The following PRH1 variants were observed in gnomAD, a reference collection of about 807,000 sequenced individuals.
PRH1 encodes salivary acidic proline-rich phosphoprotein 1/2.
In PRH1, 7 loss-of-function variants were observed where a neutral mutation model predicts 7.9. That is an observed-to-expected ratio of 0.89 (90% CI 0.50 to 1.67). The LOEUF (loss-of-function observed/expected upper bound fraction) is 1.67, where lower values mean the gene tolerates loss of function less well. Among genes scored for constraint, PRH1 ranks in the 40% most tolerant of loss-of-function variants. The probability of loss-of-function intolerance (pLI) is 0.00; values close to 1 mark genes in which losing one functional copy is unlikely to be tolerated. For synonymous variants in PRH1, 45 were observed against 80.8 expected, an observed-to-expected ratio of 0.56 and a Z score of 2.38; for missense variants, 109 against 223.6, an observed-to-expected ratio of 0.49 and a Z score of 3.27.
intron 1 of PRH1, among the ~76,000 whole-genome samples, chr12:11,068,821 G>C (rs1447228751): frequency 2.6e-5 from 4 of 152,120 alleles, no homozygotes; most frequent in Non-Finnish European, 5.9e-5. Flanking sequence ...ATTAGATGGT[G>C]GGTCACCCTC....
intron 1 of PRH1, among the ~76,000 whole-genome samples, chr12:11,126,043 A>T (rs2007667): frequency 0.57 from 70,480 of 123,258 alleles, 16,528 homozygotes; most frequent in Non-Finnish European, 0.63. Flanking sequence ...TTCTGCTTTT[A>T]AAATATTTTC....
At chr12:10,947,791 C>A (rs1191434442) in intron 2 of PRH1, among the ~76,000 whole-genome samples, 1 of 151,716 alleles carries the variant, frequency 6.6e-6, no homozygotes, top group Non-Finnish European at 1.5e-5. Flanking sequence ...ATACTAAGTG[C>A]CGCTTTCAAG....
intron 1 of PRH1, among the ~76,000 whole-genome samples, chr12:11,139,537 TGTGA>T (rs752856282): frequency 3.1e-4 from 47 of 152,366 alleles, no homozygotes; most frequent in African/African-American, 1.1e-3. Flanking sequence ...CTTTCACATC[TGTGA>T]GTATTATTAT....
intron 1 of PRH1, among the ~76,000 whole-genome samples, chr12:11,017,068 T>C (rs1941329881): frequency 6.6e-6 from 1 of 152,268 alleles, no homozygotes; most frequent in South Asian, 2.1e-4. Flanking sequence ...TAGGATGTGG[T>C]ATCTTCCCTG....
At chr12:10,997,776 C>A in intron 1 of PRH1, 1 of 1,613,750 alleles carries the variant, frequency 6.2e-7, no homozygotes, top group Non-Finnish European at 8.5e-7. Flanking sequence ...TTGACCCAGG[C>A]AATGAAATTT....
intron 1 of PRH1, among the ~76,000 whole-genome samples, chr12:11,146,215 A>AT (rs551919973): frequency 5.3e-5 from 8 of 151,290 alleles, no homozygotes; most frequent in African/African-American, 1.2e-4. Flanking sequence ...GTCTTTACAC[A>AT]TTTTTTTTCT....
At chr12:11,065,081 G>GA (rs1205211122) in intron 1 of PRH1, among the ~76,000 whole-genome samples, 1 of 151,796 alleles carries the variant, frequency 6.6e-6, no homozygotes, top group Non-Finnish European at 1.5e-5. Context: ...TCTATTATCT[G>GA]AAAAAAATAT....
chr12:10,905,092 C>T (rs771841078), intron 2 of PRH1, among the ~76,000 whole-genome samples: 8 of 151,620 alleles, frequency 5.3e-5, no homozygotes, highest in South Asian at 2.1e-4. Flanking sequence ...ATGCAAATTA[C>T]GTCAGCCACT....
At chr12:11,027,907 C>T (rs1255612018) in intron 1 of PRH1, among the ~76,000 whole-genome samples, 1 of 152,140 alleles carries the variant, frequency 6.6e-6, no homozygotes, top group Non-Finnish European at 1.5e-5. Flanking sequence ...GCATAGAGTC[C>T]CTCTAAGCAC....
intron 1 of PRH1, among the ~76,000 whole-genome samples, chr12:11,148,123 T>C (rs1350136353): frequency 2.1e-5 from 3 of 144,554 alleles, no homozygotes; most frequent in Non-Finnish European, 3.1e-5. Context: ...CTTGTGATTT[T>C]TGTACATTGA....
rs915217128 is a variant in PRH1 at position 11,045,455 on chromosome 12, A to G, written c.-126+1565T>C. ...AACTGAATTGTTTGTAACAAAAAAG[A>G]GTAAATGTTTGAGGGGATGGCTACC... On this transcript the variant is annotated intron_variant, in intron 1 of 3. Transcript: ENST00000539853. Among the ~76,000 whole-genome samples, 20 of 152,150 alleles carry G rather than the reference A, an allele frequency of 1.3e-4. 1 individual carries two copies. The highest frequency in any genetic ancestry group is 4.6e-4 in the African/African-American group (19 of 41,430).
At chr12:10,949,423 G>A (rs1950536249) in intron 2 of PRH1, among the ~76,000 whole-genome samples, 2 of 152,208 alleles carry the variant, frequency 1.3e-5, no homozygotes, top group Admixed American at 1.3e-4. Flanking sequence ...GAGGTTTTCA[G>A]TTGCTCCTGG....
chr12:11,147,684 C>A (rs1036092228), intron 1 of PRH1, among the ~76,000 whole-genome samples: 1 of 152,114 alleles, frequency 6.6e-6, no homozygotes, highest in Admixed American at 6.5e-5. Context: ...CATTCCAGTT[C>A]CTAGATGAGT....
intron 1 of PRH1, among the ~76,000 whole-genome samples, chr12:10,989,524 A>G (rs556265442): frequency 6.6e-6 from 1 of 152,310 alleles, no homozygotes; most frequent in East Asian, 1.9e-4. Context: ...AAAATTCCGA[A>G]TTTAAATTAA....
intron 1 of PRH1, chr12:11,092,157 C>A: frequency 7.4e-7 from 1 of 1,352,268 alleles, no homozygotes; most frequent in Non-Finnish European, 1.0e-6. Context: ...GCTATGAAGC[C>A]ATTAGCAAAA....
chr12:11,113,918 T>A (rs1945659847), intron 1 of PRH1, among the ~76,000 whole-genome samples: 1 of 152,190 alleles, frequency 6.6e-6, no homozygotes, highest in Non-Finnish European at 1.5e-5. Context: ...AAGCTCATCA[T>A]CACTGCTCAT....
At chr12:11,035,428 A>G (rs1942396160) in intron 1 of PRH1, among the ~76,000 whole-genome samples, 2 of 152,116 alleles carry the variant, frequency 1.3e-5, no homozygotes, top group Admixed American at 6.5e-5. Context: ...TTTTAACTCT[A>G]TTGGATTCTC....
intron 1 of PRH1, chr12:10,997,971 C>A: frequency 1.3e-6 from 1 of 745,900 alleles, no homozygotes; most frequent in South Asian, 2.4e-5. Flanking sequence ...GCACTTGATT[C>A]CTGAATGTCC....
chr12:11,164,915 C>G (rs1391634023), intron 1 of PRH1, among the ~76,000 whole-genome samples: 1 of 152,038 alleles, frequency 6.6e-6, no homozygotes, highest in Non-Finnish European at 1.5e-5. Context: ...CTTGACATTC[C>G]TAGACCCCTT....
Sources: gnomAD v4.1 joint callset for allele counts (sites outside exome capture counted in the v4.1 genomes callset) on GRCh38, gnomAD v4.1.1 for gene constraint, MANE v1.5 for transcripts, NCBI Gene and HGNC (gene_info 2026-07-23, HGNC 2026-07-21) for gene names.